The following CSNK1G3 variants were observed in gnomAD, a reference collection of about 807,000 sequenced individuals.
CSNK1G3 encodes casein kinase 1 gamma 3.
Under a neutral mutation model 64.3 loss-of-function variants are expected in CSNK1G3, and 23 were observed. That is an observed-to-expected ratio of 0.36 (90% CI 0.26 to 0.51). The LOEUF is 0.51. Ranked by LOEUF, CSNK1G3 falls within the 20% of genes least tolerant of loss-of-function variation. The pLI, the probability that CSNK1G3 is intolerant of heterozygous loss-of-function variation, is 0.96. For missense variants in CSNK1G3, 357 were observed against 510.5 expected, an observed-to-expected ratio of 0.70 and a Z score of 2.90; for synonymous variants, 158 against 162.2, an observed-to-expected ratio of 0.97 and a Z score of 0.20.
exon 13 of CSNK1G3, chr5:123,616,851 T>C (rs899668982): frequency 6.6e-5 from 10 of 152,186 alleles, no homozygotes; most frequent in Non-Finnish European, 4.4e-5. Flanking sequence ...AAAAATTTGG[T>C]TTATTTAGTC....
intron 1 of CSNK1G3, among the ~76,000 whole-genome samples, chr5:123,543,045 A>G (rs1781940577): frequency 6.6e-6 from 1 of 151,582 alleles, no homozygotes; most frequent in African/African-American, 2.4e-5. Context: ...GTCTCCTGTG[A>G]CAGCTTTGTT....
chr5:123,561,861 A>C (rs956325224), intron 4 of CSNK1G3, among the ~76,000 whole-genome samples: 4 of 152,098 alleles, frequency 2.6e-5, no homozygotes, highest in African/African-American at 9.7e-5. Flanking sequence ...CTGAAATGTT[A>C]GCCTCCTCTG....
rs1468319551 is a variant in CSNK1G3 at position 123,609,775 on chromosome 5, G to A, written c.1217+4413G>A. On this transcript the variant is annotated intron_variant, in intron 12 of 12. Coordinates refer to ENST00000345990, the Ensembl canonical transcript of CSNK1G3. ...TCCATTCATAGTATAGGCCACCTGG[G>A]AAGGAAGCCTAATGGAGAATGAGAC... Among the ~76,000 whole-genome samples, 7 of 152,288 alleles carry A rather than the reference G, an allele frequency of 4.6e-5. 1 individual carries two copies. The highest frequency in any genetic ancestry group is 1.4e-4 in the African/African-American group (6 of 41,566).
chr5:123,521,569 C>A (rs1778115723), intron 1 of CSNK1G3, among the ~76,000 whole-genome samples: 1 of 151,804 alleles, frequency 6.6e-6, no homozygotes, highest in South Asian at 2.1e-4. Context: ...TTTTTTAAGA[C>A]TGAAAAAGAA....
chr5:123,532,164 C>G (rs1483029639), intron 1 of CSNK1G3, among the ~76,000 whole-genome samples: 1 of 151,818 alleles, frequency 6.6e-6, no homozygotes, highest in Non-Finnish European at 1.5e-5. Flanking sequence ...AATTTTGTAG[C>G]TAATTCTATT....
At chr5:123,594,986 CAT>C in intron 10 of CSNK1G3, 51 bp from the exon 11 acceptor site, 1 of 1,459,062 alleles carries the variant, frequency 6.9e-7, no homozygotes, top group Non-Finnish European at 9.6e-7. Context: ...AAATGTTTAA[CAT>C]ATTGGGTTTT....
chr5:123,538,888 T>C (rs999846490), intron 1 of CSNK1G3, among the ~76,000 whole-genome samples: 4 of 152,222 alleles, frequency 2.6e-5, no homozygotes, highest in Admixed American at 2.0e-4. Context: ...AGATTTTTAA[T>C]GATTAGTGAT....
At chr5:123,552,110 A>T (rs1464438747) in intron 2 of CSNK1G3, among the ~76,000 whole-genome samples, 1 of 151,962 alleles carries the variant, frequency 6.6e-6, no homozygotes, top group Non-Finnish European at 1.5e-5. Flanking sequence ...GATATTTTAA[A>T]TATTTTATGT....
At chr5:123,609,523 A>G (rs1795948722) in intron 12 of CSNK1G3, among the ~76,000 whole-genome samples, 1 of 152,164 alleles carries the variant, frequency 6.6e-6, no homozygotes, top group African/African-American at 2.4e-5. Context: ...AACTGTAAAG[A>G]TAAGTAAAGA....
intron 3 of CSNK1G3, among the ~76,000 whole-genome samples, chr5:123,555,562 C>T (rs1401782350): frequency 3.3e-5 from 5 of 152,110 alleles, no homozygotes; most frequent in Non-Finnish European, 7.4e-5. Context: ...TTATCTCTTA[C>T]AAAGATTTTT....
At chr5:123,524,758 A>T (rs1404045340) in intron 1 of CSNK1G3, among the ~76,000 whole-genome samples, 2 of 152,182 alleles carry the variant, frequency 1.3e-5, no homozygotes, top group African/African-American at 4.8e-5. Flanking sequence ...TTTTAGTATT[A>T]TAGTTTTCTG....
intron 1 of CSNK1G3, among the ~76,000 whole-genome samples, chr5:123,529,756 T>A (rs888465154): frequency 1.3e-5 from 2 of 152,088 alleles, no homozygotes; most frequent in Non-Finnish European, 2.9e-5. Flanking sequence ...TCGTCTTGAG[T>A]TTTGATTCCT....
intron 3 of CSNK1G3, among the ~76,000 whole-genome samples, chr5:123,556,359 C>G (rs1170755306): frequency 1.3e-5 from 2 of 151,944 alleles, no homozygotes; most frequent in Non-Finnish European, 2.9e-5. Flanking sequence ...ATAATTTATC[C>G]AGTTATTGCA....
At chr5:123,536,467 TAGG>T (rs1458640950) in intron 1 of CSNK1G3, among the ~76,000 whole-genome samples, 1 of 147,702 alleles carries the variant, frequency 6.8e-6, no homozygotes, top group South Asian at 2.1e-4. Context: ...TAAAGCTAGA[TAGG>T]AGGAATTAGT....
chr5:123,594,876 A>G (rs576164880), intron 10 of CSNK1G3, among the ~76,000 whole-genome samples, 163 bp from the exon 11 acceptor site: 1 of 152,238 alleles, frequency 6.6e-6, no homozygotes, highest in Non-Finnish European at 1.5e-5. Context: ...AATTAAAATC[A>G]CTCCACATTC....
rs1463003957 is a variant in CSNK1G3, at chr5:123,572,905, C to T, written c.290-488C>T. 2.6e-5 allele frequency among the ~76,000 whole-genome samples: 4 copies of T among 152,134 alleles called. No individual in the cohort carries two copies. In the East Asian group the frequency reaches 7.7e-4, roughly 29 times the overall value. ...TTAGCCTGGTCACAATAGTGAGATC[C>T]CAGGAATCATGCTCACGTTCAAAGG... On this transcript the variant is annotated intron_variant, in intron 4 of 12. Coordinates refer to ENST00000345990, the Ensembl canonical transcript of CSNK1G3.
chr5:123,591,433 A>G lies in CSNK1G3; in HGVS notation c.1086+19A>G, dbSNP rs1334006296. On this transcript the variant is annotated intron_variant, in intron 10 of 12. Coordinates refer to ENST00000345990, the Ensembl canonical transcript of CSNK1G3. ...AAACCAGGTTTGCTGCCCTTTAGAT[A>G]TGAAATACCTTCCTTTCATGATTGA... is the stretch of plus-strand genomic sequence containing the variant. The G allele has an allele frequency of 1.3e-6, 2 of 1,516,268 alleles. No homozygotes were observed. Among genetic ancestry groups the G allele is most frequent in the East Asian group, 2.3e-5 (1 of 43,704 alleles). The allele number at this position is 1,516,268 out of a possible 1,614,324, so 93.9% of individuals were successfully genotyped here.
rs1047335136 is a variant in CSNK1G3, at chr5:123,540,188, A to G, written c.-247-5229A>G. ...TTTCTTCTGCTTTATCCAGTTTGCC[A>G]CTGAGTGTATCTAGTGAAGTTTTTC... On this transcript the variant is annotated intron_variant, in intron 1 of 12. Transcript: ENST00000345990. Among the ~76,000 whole-genome samples the G allele has an allele frequency of 2.0e-5, 3 of 151,764 alleles. No homozygotes were observed. The South Asian group carries it at 6.2e-4, about 31-fold the overall frequency.
intron 3 of CSNK1G3, among the ~76,000 whole-genome samples, chr5:123,556,792 G>A (rs867389509): frequency 1.4e-5 from 2 of 144,222 alleles, no homozygotes; most frequent in Non-Finnish European, 3.1e-5. Flanking sequence ...GTGTGTGTGT[G>A]GTGTGTGTAT....
Sources: allele counts gnomAD v4.1 joint callset (sites outside exome capture counted in the v4.1 genomes callset), GRCh38; gene constraint gnomAD v4.1.1; transcripts MANE v1.5; gene names NCBI Gene and HGNC (gene_info 2026-07-23, HGNC 2026-07-21).